The following PTPRN2 variants were observed in gnomAD, a reference collection of about 807,000 sequenced individuals.
The protein encoded by PTPRN2 is protein tyrosine phosphatase receptor type N2.
A neutral mutation model predicts 118.8 loss-of-function variants in PTPRN2; 74 were observed. That is an observed-to-expected ratio of 0.62 (90% confidence interval 0.52 to 0.76). The LOEUF is 0.76. PTPRN2 is among the 30% of genes least tolerant of loss of function. The pLI, the probability that PTPRN2 is intolerant of heterozygous loss-of-function variation, is 0.00. For missense variants in PTPRN2, 1,481 were observed against 1,394.4 expected (o/e 1.06, Z -0.99); for synonymous variants, 641 against 608.0 (o/e 1.05, Z -0.80).
At chr7:158,459,342 A>G (rs1818781343) in intron 2 of PTPRN2, among the ~76,000 whole-genome samples, 2 of 98,848 alleles carry the variant, frequency 2.0e-5, no homozygotes, top group African/African-American at 7.3e-5. Flanking sequence ...CCTGGGACGA[A>G]CAGGCTCCAG....
intron 11 of PTPRN2, among the ~76,000 whole-genome samples, chr7:157,997,708 G>A (rs1378236767): frequency 6.6e-6 from 1 of 151,528 alleles, no homozygotes; most frequent in East Asian, 2.0e-4. Context: ...GAGGAGTGCA[G>A]GGAGGGGCAG....
intron 9 of PTPRN2, among the ~76,000 whole-genome samples, chr7:158,125,819 T>C (rs1817610617): frequency 6.6e-6 from 1 of 152,134 alleles, no homozygotes; most frequent in Non-Finnish European, 1.5e-5. Flanking sequence ...ATCTTCAGCA[T>C]CCTCAGGGTT....
intron 9 of PTPRN2, among the ~76,000 whole-genome samples, chr7:158,128,813 G>A (rs922406776): frequency 2.6e-5 from 4 of 152,166 alleles, no homozygotes; most frequent in African/African-American, 4.8e-5. Context: ...AGGGATGGGC[G>A]GCCGTCCCCC....
At chr7:158,475,236 G>A (rs940389576) in intron 2 of PTPRN2, among the ~76,000 whole-genome samples, 9 of 152,010 alleles carry the variant, frequency 5.9e-5, no homozygotes, top group East Asian at 1.9e-4. Context: ...GGGAGGCCCC[G>A]AAGGGCCCCG....
At position 157,584,601 on chromosome 7, in the gene PTPRN2, G is replaced by T. The variant is rs183326881; in HGVS notation, c.2497-6461C>A. On this transcript the variant is annotated intron_variant, in intron 17 of 22. Coordinates refer to ENST00000389418, the MANE Select transcript of PTPRN2 (RefSeq NM_002847.5). ...GCATTTCCTCCAGAGCAGGTGCGGGGCCCACGCAATTCTGCTGCACAGCTC... is the reference window on the plus strand; with the variant it reads ...GCATTTCCTCCAGAGCAGGTGCGGGTCCCACGCAATTCTGCTGCACAGCTC... Among the ~76,000 whole-genome samples, 570 of 152,332 alleles carry T rather than the reference G, an allele frequency of 3.7e-3. 2 individuals carry two copies. The highest frequency in any genetic ancestry group is 0.013 in the African/African-American group (538 of 41,572).
At chr7:158,279,559 G>A (rs1799269471) in intron 3 of PTPRN2, among the ~76,000 whole-genome samples, 1 of 152,210 alleles carries the variant, frequency 6.6e-6, no homozygotes, top group Non-Finnish European at 1.5e-5. Context: ...CAGGGAAGAG[G>A]GAATGGCAGT....
At chr7:158,039,672 G>T (rs1311192834) in intron 11 of PTPRN2, among the ~76,000 whole-genome samples, 2 of 152,130 alleles carry the variant, frequency 1.3e-5, no homozygotes, top group African/African-American at 4.8e-5. Flanking sequence ...AATGCTAAAG[G>T]CCAATCTGCC....
At chr7:157,572,059 G>A (rs769738281) in intron 19 of PTPRN2, among the ~76,000 whole-genome samples, 1 of 152,182 alleles carries the variant, frequency 6.6e-6, no homozygotes, top group African/African-American at 2.4e-5. Flanking sequence ...TTATAACTTT[G>A]AGTATACAAA....
chr7:158,094,402 C>T (rs991328533), intron 10 of PTPRN2, among the ~76,000 whole-genome samples: 10 of 152,126 alleles, frequency 6.6e-5, no homozygotes, highest in Non-Finnish European at 1.5e-4. Flanking sequence ...CTCTGACTCC[C>T]GGGTTCAAGT....
Position 158,308,381 on chromosome 7 carries a change from G to A in PTPRN2, c.277+8438C>T, listed in dbSNP as rs375267755. 4.6e-5 allele frequency among the ~76,000 whole-genome samples: 7 copies of A among 152,250 alleles called. 1 individual carries two copies. The South Asian group carries it at 1.5e-3, about 32-fold the overall frequency. The stretch of plus-strand genomic sequence containing the variant: ...TTTAGGCAAAAATGAAAGGACATTA[G>A]ACAGTGAGTTGTATCCAGATGAAGA... On this transcript the variant is annotated intron_variant, in intron 3 of 22. Transcript: ENST00000389418.
chr7:157,957,580 T>C (rs1039324038), intron 11 of PTPRN2, among the ~76,000 whole-genome samples: 1 of 152,050 alleles, frequency 6.6e-6, no homozygotes, highest in Non-Finnish European at 1.5e-5. Flanking sequence ...TATTATTTGA[T>C]GGTACAAAGT....
chr7:157,677,800 A>G (rs1031284135), intron 13 of PTPRN2, among the ~76,000 whole-genome samples: 3 of 152,202 alleles, frequency 2.0e-5, no homozygotes, highest in African/African-American at 7.2e-5. Context: ...CACATCAGAA[A>G]CCATGGGATT....
chr7:158,186,395 G>C (rs1226314923), intron 5 of PTPRN2, among the ~76,000 whole-genome samples: 3 of 152,188 alleles, frequency 2.0e-5, no homozygotes, highest in Non-Finnish European at 4.4e-5. Context: ...CATGTGGTCG[G>C]GGTGGGAGGA....
intron 11 of PTPRN2, among the ~76,000 whole-genome samples, chr7:158,052,357 G>A (rs1356117826): frequency 6.6e-6 from 1 of 152,264 alleles, no homozygotes; most frequent in South Asian, 2.1e-4. Flanking sequence ...AAGACAGAGA[G>A]AAAGCCTTAA....
chr7:158,155,784 C>CCATCATCAACATCAT (rs1821763817), intron 6 of PTPRN2, among the ~76,000 whole-genome samples: 1 of 148,434 alleles, frequency 6.7e-6, no homozygotes, highest in Non-Finnish European at 1.5e-5. Context: ...ACTATCATTA[C>CCATCATCAACATCAT]CATCATCAAC....
chr7:158,149,539 C>T (rs1820707386), intron 6 of PTPRN2, among the ~76,000 whole-genome samples: 1 of 152,118 alleles, frequency 6.6e-6, no homozygotes, highest in South Asian at 2.1e-4. Context: ...CGCAGTGGCT[C>T]ATGCCTGTAA....
In PTPRN2 at chr7:157,801,843, G is replaced by A. The variant is rs1805326155; in HGVS notation, c.1788+96830C>T. Reference sequence around the variant, plus strand: ...TTCCTGTGTCTCCCCCAAAACACACGTGGCTTATCAGAAACCTGCAGGAAA... The same window carrying A: ...TTCCTGTGTCTCCCCCAAAACACACATGGCTTATCAGAAACCTGCAGGAAA... On this transcript the variant is annotated intron_variant, in intron 12 of 22. Coordinates refer to ENST00000389418, the MANE Select transcript of PTPRN2 (RefSeq NM_002847.5). The surrounding 1 kb of genome is among the most constrained non-coding windows in gnomAD (Gnocchi z 4.2). Among the ~76,000 whole-genome samples, 1 of 152,152 alleles carries A rather than the reference G, an allele frequency of 6.6e-6. No homozygotes were observed. The highest frequency in any genetic ancestry group is 1.5e-5 in the Non-Finnish European group (1 of 68,026).
chr7:157,603,070 C>T lies in PTPRN2; in HGVS notation c.2418+932G>A, dbSNP rs1801774421. Among the ~76,000 whole-genome samples, 2 of 152,202 alleles carry T rather than the reference C, an allele frequency of 1.3e-5. No homozygotes were observed. The highest frequency in any genetic ancestry group is 2.9e-5 in the Non-Finnish European group (2 of 68,038). On this transcript the variant is annotated intron_variant, in intron 16 of 22. Coordinates refer to ENST00000389418, the MANE Select transcript of PTPRN2 (RefSeq NM_002847.5). The surrounding 1 kb of genome is among the most constrained non-coding windows in gnomAD (Gnocchi z 5.4). ...TCCGCCATAAATCTGCATGGAGCCCCAGCCTCTCCACCACTGGTTTAAAGT... is the reference window on the plus strand; with the variant it reads ...TCCGCCATAAATCTGCATGGAGCCCTAGCCTCTCCACCACTGGTTTAAAGT...
intron 5 of PTPRN2, among the ~76,000 whole-genome samples, chr7:158,187,277 T>C (rs1585779772): frequency 1.3e-5 from 2 of 152,336 alleles, no homozygotes; most frequent in Admixed American, 1.3e-4. Flanking sequence ...AGGCAATATG[T>C]TTAGGATATT....
Sources: gnomAD v4.1 joint callset for allele counts (sites outside exome capture counted in the v4.1 genomes callset) on GRCh38, gnomAD v4.1.1 for gene constraint, Gnocchi (gnomAD v3.1) non-coding constraint, MANE v1.5 for transcripts, NCBI Gene and HGNC (gene_info 2026-07-23, HGNC 2026-07-21) for gene names.